Variants in NUSAP1 observed in about 807,000 individuals in gnomAD.
The protein encoded by NUSAP1 is nucleolar and spindle associated protein 1, also known as nucleolar and spindle-associated protein 1.
A neutral mutation model predicts 52.8 loss-of-function variants in NUSAP1; 32 were observed. The observed-to-expected ratio is 0.61, with a 90% confidence interval of 0.46 to 0.81. The LOEUF (loss-of-function observed/expected upper bound fraction) is 0.81, where lower values mean the gene tolerates loss of function less well. Among genes scored for constraint, NUSAP1 ranks in the 40% least tolerant of loss-of-function variants. The pLI is 0.00. For missense variants in NUSAP1, 499 were observed against 522.3 expected (o/e 0.96, Z 0.43); for synonymous variants, 195 against 183.1 (o/e 1.06, Z -0.52).
At chr15:41,343,260 C>T (rs1219582277) in intron 2 of NUSAP1, 1 of 152,228 alleles carries the variant, frequency 6.6e-6, no homozygotes, top group African/African-American at 2.4e-5. Context: ...TGGGAGTTGT[C>T]ATGGCCGCTT....
In NUSAP1 at chr15:41,371,502, T is replaced by C. The variant is rs760405356; in HGVS notation, c.849-25T>C. On this transcript the variant is annotated intron_variant, in intron 7 of 10. Coordinates refer to ENST00000559596, the MANE Select transcript of NUSAP1 (RefSeq NM_016359.5). ...AGTTACTCTTGCCACAGTACTCATG[T>C]CTTGTACTCTGCTGTCCTATTTAGG... The C allele has an allele frequency of 2.6e-6, 4 of 1,567,916 alleles. No individual in the cohort carries two copies. In the Admixed American group the frequency reaches 8.4e-5, roughly 33 times the overall value.
Position 41,349,049 on chromosome 15 carries a change from AT to A in NUSAP1, c.163-47del. On this transcript the variant is annotated intron_variant, in intron 2 of 10. Coordinates refer to ENST00000559596, the MANE Select transcript of NUSAP1 (RefSeq NM_016359.5). Reference sequence around the variant, plus strand: ...GTCTCAATTCTGATTCTTCCTGAGCATTATAACTGTAGACATAGCACATAGC... The same window carrying A: ...GTCTCAATTCTGATTCTTCCTGAGCATATAACTGTAGACATAGCACATAGC... 4.5e-6 allele frequency: 7 copies of A among 1,559,834 alleles called. No homozygotes were observed. The East Asian group carries it at 1.4e-4, about 30-fold the overall frequency.
intron 7 of NUSAP1, among the ~76,000 whole-genome samples, chr15:41,368,823 C>T (rs1481810572): frequency 6.8e-6 from 1 of 146,738 alleles, no homozygotes; most frequent in African/African-American, 2.6e-5. Context: ...ACCTCCATCT[C>T]CTGGGTTCAA....
intron 8 of NUSAP1, among the ~76,000 whole-genome samples, chr15:41,374,978 A>G (rs551875899): frequency 1.9e-4 from 29 of 149,056 alleles, no homozygotes; most frequent in Admixed American, 6.7e-4. Flanking sequence ...AGTAGCTGGG[A>G]TTACAGGCAC....
chr15:41,355,231 G>A (rs745555955), intron 4 of NUSAP1, among the ~76,000 whole-genome samples: 2 of 150,974 alleles, frequency 1.3e-5, no homozygotes, highest in Non-Finnish European at 3.0e-5. Context: ...GGAGTAGAGT[G>A]GCGTGATCTC....
At chr15:41,371,368 A>G (rs1161519765) in intron 7 of NUSAP1, among the ~76,000 whole-genome samples, 159 bp from the exon 8 acceptor site, 2 of 152,254 alleles carry the variant, frequency 1.3e-5, no homozygotes, top group Admixed American at 6.5e-5. Flanking sequence ...TTAGCCTTTT[A>G]GGAATATGTC....
chr15:41,333,835 C>G (rs1358278646), intron 1 of NUSAP1, among the ~76,000 whole-genome samples: 1 of 152,168 alleles, frequency 6.6e-6, no homozygotes, highest in Non-Finnish European at 1.5e-5. Context: ...TCGCTTGAAC[C>G]TGGGAAGCCG....
At chr15:41,363,339 CTA>C (rs200179301) in intron 6 of NUSAP1, among the ~76,000 whole-genome samples, 1 of 146,558 alleles carries the variant, frequency 6.8e-6, no homozygotes, top group African/African-American at 2.5e-5. Flanking sequence ...CTCTCTCTCT[CTA>C]TATATATATA....
intron 1 of NUSAP1, among the ~76,000 whole-genome samples, chr15:41,336,642 CTTTTGGT>C (rs2048144201): frequency 1.9e-5 from 2 of 107,418 alleles, no homozygotes; most frequent in African/African-American, 3.9e-5. Flanking sequence ...GATCCTCCTC[CTTTTGGT>C]TTTTTTTTTT....
intron 1 of NUSAP1, among the ~76,000 whole-genome samples, chr15:41,336,295 TA>T: frequency 6.7e-6 from 1 of 148,830 alleles, no homozygotes; most frequent in East Asian, 2.0e-4. Context: ...ATAATAATAA[TA>T]AATATATAGG....
intron 1 of NUSAP1, 57 bp from the exon 2 acceptor site, chr15:41,342,329 A>G: frequency 8.5e-7 from 1 of 1,177,250 alleles, no homozygotes; most frequent in Admixed American, 2.1e-5. Flanking sequence ...AAAAATATTC[A>G]ACGTATCTTC....
chr15:41,340,528 G>A (rs748401858), intron 1 of NUSAP1, among the ~76,000 whole-genome samples: 1 of 152,150 alleles, frequency 6.6e-6, no homozygotes, highest in Non-Finnish European at 1.5e-5. Context: ...TTGAAGGAAT[G>A]CATGAATATA....
chr15:41,334,052 C>T (rs776331642), intron 1 of NUSAP1, among the ~76,000 whole-genome samples: 1 of 152,230 alleles, frequency 6.6e-6, no homozygotes, highest in Non-Finnish European at 1.5e-5. Flanking sequence ...GTTTCTCCTG[C>T]AGGCTGTGAT....
In NUSAP1 at chr15:41,380,126, A is replaced by G; in HGVS notation, c.1266A>G (p.Arg422=). 1 of 1,588,234 alleles carries G rather than the reference A, an allele frequency of 6.3e-7. No individual in the cohort carries two copies. Among genetic ancestry groups the G allele is most frequent in the East Asian group, 2.3e-5 (1 of 43,888 alleles). The change falls in exon 11 of 11, where the codon CGA becomes CGG. Residue 422 remains arginine (R), a synonymous_variant. Coordinates refer to ENST00000559596, the MANE Select transcript of NUSAP1 (RefSeq NM_016359.5). ...EEQRKKREQE[R]KEKKAKVLGM... ...AACGGAAGAAACGCGAGCAAGAACG[A>G]AAGGAGAAGAAAGCAAAGGTTTTGG...
At chr15:41,333,110 G>T (rs2047979293) in intron 1 of NUSAP1, 60 bp downstream of exon 1, 22 of 1,325,282 alleles carry the variant, frequency 1.7e-5, no homozygotes, top group Non-Finnish European at 2.0e-5. Context: ...GCCTCGGGGA[G>T]ATGCGGTGCG....
chr15:41,364,060 G>A (rs1459336632), intron 6 of NUSAP1, among the ~76,000 whole-genome samples: 5 of 152,054 alleles, frequency 3.3e-5, no homozygotes, highest in African/African-American at 7.2e-5. Context: ...ATGAACTCCT[G>A]GGCTTAAGCG....
At chr15:41,367,411 G>T (rs899105656) in intron 7 of NUSAP1, among the ~76,000 whole-genome samples, 5 of 152,154 alleles carry the variant, frequency 3.3e-5, no homozygotes, top group African/African-American at 1.2e-4. Flanking sequence ...TGGGGTCATG[G>T]TGTTGCAGCC....
intron 9 of NUSAP1, among the ~76,000 whole-genome samples, chr15:41,376,885 G>A (rs1163689272): frequency 6.6e-6 from 1 of 151,440 alleles, no homozygotes; most frequent in Non-Finnish European, 1.5e-5. Context: ...GACCAGCATG[G>A]GCAACATGAT....
intron 7 of NUSAP1, among the ~76,000 whole-genome samples, chr15:41,366,959 G>A (rs1189797882): frequency 6.6e-6 from 1 of 152,210 alleles, no homozygotes; most frequent in African/African-American, 2.4e-5. Context: ...GTGGGTACAG[G>A]AATATAGTCT....
Sources: allele counts gnomAD v4.1 joint callset (sites outside exome capture counted in the v4.1 genomes callset), GRCh38; gene constraint gnomAD v4.1.1; transcripts MANE v1.5; gene names NCBI Gene and HGNC (gene_info 2026-07-23, HGNC 2026-07-21).